The following ACSS3 variants were observed in gnomAD, a reference collection of about 807,000 sequenced individuals.
ACSS3 encodes the protein acyl-CoA synthetase short-chain family member 3, mitochondrial.
A neutral mutation model predicts 84.2 loss-of-function variants in ACSS3; 64 were observed. The observed-to-expected ratio is 0.76, with a 90% CI of 0.62 to 0.94. ACSS3 has a LOEUF of 0.94. ACSS3 is among the 40% of genes least tolerant of loss of function. The pLI, the probability that ACSS3 is intolerant of heterozygous loss-of-function variation, is 0.00. For missense variants in ACSS3, 815 were observed against 867.6 expected, an observed-to-expected ratio of 0.94 and a Z score of 0.76; for synonymous variants, 317 against 310.1, an observed-to-expected ratio of 1.02 and a Z score of -0.23.
intron 4 of ACSS3, among the ~76,000 whole-genome samples, chr12:81,141,531 A>G (rs1390858471): frequency 3.9e-5 from 6 of 152,216 alleles, no homozygotes; most frequent in African/African-American, 7.2e-5. Context: ...TATCTATAGA[A>G]GTAAATGCAT....
intron 1 of ACSS3, among the ~76,000 whole-genome samples, chr12:81,101,739 A>C (rs1212388739): frequency 6.6e-6 from 1 of 152,096 alleles, no homozygotes; most frequent in South Asian, 2.1e-4. Flanking sequence ...CACTCTCACT[A>C]TAACTATGTA....
intron 8 of ACSS3, among the ~76,000 whole-genome samples, chr12:81,190,894 G>C (rs908567457): frequency 2.0e-5 from 3 of 151,920 alleles, no homozygotes; most frequent in African/African-American, 7.3e-5. Flanking sequence ...GAATTATAGT[G>C]ACTGATTTTT....
chr12:81,077,953 G>A (rs1880719004), upstream of ACSS3: 1 of 747,664 alleles, frequency 1.3e-6, no homozygotes, highest in African/African-American at 1.8e-5. Context: ...TGCTTCTCTG[G>A]TCGCTCCAGG....
At chr12:81,105,098 C>T (rs905047073) in intron 1 of ACSS3, among the ~76,000 whole-genome samples, 2 of 152,134 alleles carry the variant, frequency 1.3e-5, no homozygotes, top group Admixed American at 1.3e-4. Flanking sequence ...TATGCAGAAT[C>T]AGGAACATTT....
intron 9 of ACSS3, among the ~76,000 whole-genome samples, chr12:81,203,220 T>C (rs2032189744): frequency 6.6e-6 from 1 of 152,148 alleles, no homozygotes; most frequent in Admixed American, 6.6e-5. Flanking sequence ...ACTTCAGCAG[T>C]TGGATGCACA....
rs563506897 is a variant in ACSS3, at chr12:81,172,069, C to A, written c.1099-2719C>A. ...ATTGCCTGAGGTCAGAAGTTCAAGA[C>A]CAGCCTGGCTAACATGGTGAAACCC... On this transcript the variant is annotated intron_variant, in intron 7 of 15. Coordinates refer to ENST00000548058, the MANE Select transcript of ACSS3 (RefSeq NM_024560.4). Among the ~76,000 whole-genome samples, 16 of 152,162 alleles carry A rather than the reference C, an allele frequency of 1.1e-4. No individual in the cohort carries two copies. The East Asian group carries it at 3.1e-3, about 29-fold the overall frequency.
At chr12:81,178,205 A>C (rs1019462226) in intron 8 of ACSS3, among the ~76,000 whole-genome samples, 1 of 150,630 alleles carries the variant, frequency 6.6e-6, no homozygotes, top group Non-Finnish European at 1.5e-5. Flanking sequence ...TTAGTAAACT[A>C]TCTCAAGGAC....
intron 9 of ACSS3, among the ~76,000 whole-genome samples, chr12:81,214,468 G>A (rs1444674151): frequency 2.0e-5 from 3 of 152,144 alleles, no homozygotes; most frequent in African/African-American, 7.2e-5. Flanking sequence ...GCACCCTAAA[G>A]TTTAAGACTC....
At chr12:81,216,820 G>T in intron 9 of ACSS3, 81 bp from the exon 10 acceptor site, 1 of 1,105,704 alleles carries the variant, frequency 9.0e-7, no homozygotes, top group Non-Finnish European at 1.4e-6. Context: ...AAACTAGGGT[G>T]GGGTAGAGTG....
chr12:81,168,461 G>C (rs999136695), intron 7 of ACSS3, among the ~76,000 whole-genome samples: 1 of 152,062 alleles, frequency 6.6e-6, no homozygotes, highest in African/African-American at 2.4e-5. Context: ...TCTGAAGTTC[G>C]AGTCAGGAAC....
chr12:81,223,511 A>C (rs764283835), intron 11 of ACSS3, among the ~76,000 whole-genome samples: 20 of 152,008 alleles, frequency 1.3e-4, no homozygotes, highest in Non-Finnish European at 2.8e-4. Context: ...TCTCATATAC[A>C]GTTTTGAGTG....
chr12:81,218,472 G>A (rs1039198464), intron 10 of ACSS3, among the ~76,000 whole-genome samples: 18 of 152,066 alleles, frequency 1.2e-4, no homozygotes, highest in South Asian at 2.1e-4. Flanking sequence ...TTACAAAAAC[G>A]TGGATCATTT....
chr12:81,140,686 T>A (rs991482863), intron 4 of ACSS3, among the ~76,000 whole-genome samples: 1 of 152,154 alleles, frequency 6.6e-6, no homozygotes, highest in Non-Finnish European at 1.5e-5. Flanking sequence ...GCACTTTTTT[T>A]AAAAAAGCTT....
At chr12:81,106,590 AG>A (rs1366976872) in intron 1 of ACSS3, among the ~76,000 whole-genome samples, 1 of 152,188 alleles carries the variant, frequency 6.6e-6, no homozygotes, top group Admixed American at 6.6e-5. Context: ...GATGCCAAAA[AG>A]GTTGGGGACT....
chr12:81,219,839 G>A (rs2033041645), intron 10 of ACSS3, among the ~76,000 whole-genome samples, 174 bp from the exon 11 acceptor site: 1 of 151,944 alleles, frequency 6.6e-6, no homozygotes, highest in African/African-American at 2.4e-5. Flanking sequence ...TCAGATACAT[G>A]TGCTCTTTAT....
At chr12:81,115,322 A>G (rs1310542997) in intron 2 of ACSS3, among the ~76,000 whole-genome samples, 1 of 152,188 alleles carries the variant, frequency 6.6e-6, no homozygotes, top group Middle Eastern at 3.2e-3. Context: ...CTGTGAAAAC[A>G]GTGTCGACAA....
chr12:81,149,865 T>C (rs959907869), intron 5 of ACSS3, among the ~76,000 whole-genome samples: 4 of 152,166 alleles, frequency 2.6e-5, no homozygotes, highest in Non-Finnish European at 4.4e-5. Context: ...GTTAATGAAA[T>C]TTTAAATTTT....
At chr12:81,107,905 C>A (rs1883212216) in intron 1 of ACSS3, among the ~76,000 whole-genome samples, 1 of 151,814 alleles carries the variant, frequency 6.6e-6, no homozygotes, top group African/African-American at 2.4e-5. Flanking sequence ...AGGCTGTTCT[C>A]CTGGAGAAGG....
chr12:81,077,920 C>T (rs1880717395), upstream of ACSS3: 2 of 559,004 alleles, frequency 3.6e-6, no homozygotes, highest in African/African-American at 2.0e-5. Flanking sequence ...CACCCCTGTC[C>T]CGGGGCCCCC....
Sources: gnomAD v4.1 joint callset for allele counts (sites outside exome capture counted in the v4.1 genomes callset) on GRCh38, gnomAD v4.1.1 for gene constraint, MANE v1.5 for transcripts, NCBI Gene and HGNC (gene_info 2026-07-23, HGNC 2026-07-21) for gene names.